GBF1: variants seen among roughly 807,000 people sequenced by gnomAD.
GBF1 encodes the protein golgi brefeldin A resistant guanine nucleotide exchange factor 1, also known as Golgi-specific brefeldin A-resistance guanine nucleotide exchange factor 1.
Under a neutral mutation model 210.5 loss-of-function variants are expected in GBF1, and 114 were observed. The ratio of observed to expected loss-of-function variants is 0.54; its 90% CI spans 0.47 to 0.63. GBF1 has a LOEUF of 0.63. Ranked by LOEUF, GBF1 falls within the 30% of genes least tolerant of loss-of-function variation. The pLI, the probability that GBF1 is intolerant of heterozygous loss-of-function variation, is 0.00. For synonymous variants in GBF1, 850 were observed against 889.2 expected (o/e 0.96, Z 0.78); for missense variants, 1,851 against 2,357.7 (o/e 0.79, Z 4.45).
Position 102,377,061 on chromosome 10 carries a change from G to A in GBF1, c.4415G>A (p.Arg1472Gln), listed in dbSNP as rs757352828. 95 of 1,614,152 alleles carry A rather than the reference G, an allele frequency of 5.9e-5. No individual in the cohort carries two copies. In the Middle Eastern group the frequency reaches 1.5e-3, roughly 25 times the overall value. ...RPRTSSQHAS[R>Q]GGQSDDDEDE... The stretch of plus-strand genomic sequence containing the variant: ...CGAACCTCCAGCCAACATGCCTCTC[G>A]GGGCGGGCAGAGTGATGATGATGAG... Residue 1472 changes from arginine (R) to glutamine (Q), a missense_variant, in exon 33 of 40, where the codon CGG becomes CAG. Arg to Gln is a conservative substitution (Grantham distance 43, BLOSUM62 1). Coordinates refer to ENST00000369983, the MANE Select transcript of GBF1 (RefSeq NM_001377137.1).
chr10:102,269,952 C>G (rs1224295910), intron 3 of GBF1, among the ~76,000 whole-genome samples: 1 of 151,624 alleles, frequency 6.6e-6, no homozygotes, highest in Non-Finnish European at 1.5e-5. Flanking sequence ...GATCTCAGCT[C>G]ACTGCCAGCT....
rs528079408 is a variant in GBF1, at chr10:102,367,023, G to A, written c.2434-62G>A. On this transcript the variant is annotated intron_variant, in intron 19 of 39. Coordinates refer to ENST00000369983, the MANE Select transcript of GBF1 (RefSeq NM_001377137.1). ...TGTACTAGCACTGACCAGTGGGTTG[G>A]TAGTGAGGGTTTAATTGGCCAGAGA... 1.9e-6 allele frequency: 3 copies of A among 1,591,962 alleles called. No homozygotes were observed. In the East Asian group the frequency reaches 6.7e-5, roughly 36 times the overall value.
At chr10:102,243,721 C>T (rs1001912308), upstream of GBF1, among the ~76,000 whole-genome samples, 1 of 152,174 alleles carries the variant, frequency 6.6e-6, no homozygotes, top group Non-Finnish European at 1.5e-5. Context: ...CCCTGACTCT[C>T]TTTGGGTGAT....
intron 3 of GBF1, among the ~76,000 whole-genome samples, chr10:102,270,327 G>A (rs11191249): frequency 2.0e-5 from 3 of 151,680 alleles, no homozygotes; most frequent in African/African-American, 4.9e-5. Context: ...GGGCCACCAC[G>A]CCCAGCTAAT....
At chr10:102,341,926 A>C (rs1280361841) in intron 3 of GBF1, among the ~76,000 whole-genome samples, 2 of 152,168 alleles carry the variant, frequency 1.3e-5, no homozygotes, top group African/African-American at 4.8e-5. Context: ...TTTCCTCTAG[A>C]CTTTTATATG....
In GBF1 at chr10:102,369,390, A is replaced by G; in HGVS notation, c.3150+3A>G. On this transcript the variant is annotated splice_donor_region_variant and intron_variant, in intron 24 of 39. Transcript: ENST00000369983. ...TACTGCCCAAGGCTATGATAGAGGT[A>G]ATTCTTAGTAGGAGACTAGTGAGCG... The G allele has an allele frequency of 6.2e-7, 1 of 1,606,474 alleles. No homozygotes were observed. Among genetic ancestry groups the G allele is most frequent in the Non-Finnish European group, 8.5e-7 (1 of 1,173,276 alleles).
intron 29 of GBF1, 67 bp downstream of exon 29, chr10:102,370,927 G>A: frequency 7.0e-7 from 1 of 1,434,042 alleles, no homozygotes; most frequent in Non-Finnish European, 9.7e-7. Context: ...TGTCAATTAT[G>A]AATATGGCCT....
At chr10:102,344,262 G>A (rs1275618191) in intron 4 of GBF1, 80 bp downstream of exon 4, 2 of 1,330,776 alleles carry the variant, frequency 1.5e-6, no homozygotes, top group Non-Finnish European at 2.1e-6. Context: ...TAGGCAATGA[G>A]CTGGTGATAG....
intron 29 of GBF1, among the ~76,000 whole-genome samples, chr10:102,371,110 C>G (rs770252255): frequency 1.3e-5 from 2 of 152,150 alleles, no homozygotes; most frequent in African/African-American, 2.4e-5. Context: ...CCTGCTACTG[C>G]CTTATAATAG....
chr10:102,344,641 C>T (rs1488441624), intron 4 of GBF1, among the ~76,000 whole-genome samples: 2 of 151,976 alleles, frequency 1.3e-5, no homozygotes, highest in Non-Finnish European at 2.9e-5. Flanking sequence ...CCACCACGCC[C>T]AGCTAATTTT....
At chr10:102,356,405 G>C (rs1796830458) in intron 8 of GBF1, among the ~76,000 whole-genome samples, 1 of 152,162 alleles carries the variant, frequency 6.6e-6, no homozygotes, top group Admixed American at 6.5e-5. Context: ...TATCAGTCTA[G>C]GAATAGTTTA....
At chr10:102,336,363 T>G (rs1443229340) in intron 3 of GBF1, among the ~76,000 whole-genome samples, 1 of 149,138 alleles carries the variant, frequency 6.7e-6, no homozygotes, top group Non-Finnish European at 1.5e-5. Flanking sequence ...TAGAGAACAC[T>G]GGACTGCTGT....
intron 4 of GBF1, among the ~76,000 whole-genome samples, chr10:102,350,457 C>T (rs1373597187): frequency 6.6e-6 from 1 of 152,046 alleles, no homozygotes; most frequent in Admixed American, 6.6e-5. Flanking sequence ...TTCAGTTGCG[C>T]CTGAACACAA....
intron 3 of GBF1, among the ~76,000 whole-genome samples, chr10:102,302,996 T>A (rs1170515134): frequency 6.6e-6 from 1 of 150,584 alleles, no homozygotes; most frequent in African/African-American, 2.5e-5. Context: ...CTTTTTTTTT[T>A]TTTTTTTTGG....
chr10:102,363,186 T>G lies in GBF1; in HGVS notation c.1877-70T>G. Reference sequence around the variant, plus strand: ...ATGCAGGTCTTCTGGGCTTGGGATTTGATCTATCCTGCAGCTCTGCTTGGC... The same window carrying G: ...ATGCAGGTCTTCTGGGCTTGGGATTGGATCTATCCTGCAGCTCTGCTTGGC... On this transcript the variant is annotated intron_variant, in intron 15 of 39. Transcript: ENST00000369983. This position sits in a 1 kb window ranked among gnomAD's most constrained non-coding sequence, Gnocchi z 4.2. 77 of 1,404,864 alleles carry G rather than the reference T, an allele frequency of 5.5e-5. No individual in the cohort carries two copies. Among genetic ancestry groups the G allele is most frequent in the Non-Finnish European group, 6.8e-5 (71 of 1,038,052 alleles). 87.0% of individuals were successfully genotyped at this position (1,404,864 alleles called of 1,614,324 possible).
chr10:102,347,304 A>T (rs2058640385), intron 4 of GBF1, among the ~76,000 whole-genome samples: 1 of 152,230 alleles, frequency 6.6e-6, no homozygotes, highest in Non-Finnish European at 1.5e-5. Context: ...GGTACCAACT[A>T]GCTTCTGAAC....
chr10:102,266,867 T>C (rs1427409024), intron 3 of GBF1, among the ~76,000 whole-genome samples: 1 of 152,200 alleles, frequency 6.6e-6, no homozygotes, highest in Non-Finnish European at 1.5e-5. Flanking sequence ...AGAAAGTGGA[T>C]GTGTCAGGAG....
chr10:102,324,223 G>A (rs974800367), intron 3 of GBF1, among the ~76,000 whole-genome samples: 3 of 152,136 alleles, frequency 2.0e-5, no homozygotes, highest in Non-Finnish European at 2.9e-5. Flanking sequence ...ATAAAGGATC[G>A]GGGCAGGGCT....
At position 102,369,369 on chromosome 10, in the gene GBF1, G is replaced by A. The variant is rs148169928; in HGVS notation, c.3132G>A (p.Leu1044=). Residue 1044 remains leucine, a synonymous_variant, in exon 24 of 40, where the codon CTG becomes CTA. Transcript: ENST00000369983. ...AMLQLFRAQL[L]PKAMIEVEDF... ...TGCAGCTCTTCCGAGCCCAACTACT[G>A]CCCAAGGCTATGATAGAGGTAATTC... 6.2e-7 allele frequency: 1 copy of A among 1,613,152 alleles called. No homozygotes were observed. Among genetic ancestry groups the A allele is most frequent in the Non-Finnish European group, 8.5e-7 (1 of 1,179,272 alleles).
Sources: allele counts gnomAD v4.1 joint callset (sites outside exome capture counted in the v4.1 genomes callset), GRCh38; gene constraint gnomAD v4.1.1; non-coding constraint Gnocchi (gnomAD v3.1); transcripts MANE v1.5; gene names NCBI Gene and HGNC (gene_info 2026-07-23, HGNC 2026-07-21).